The following PSD3 variants were observed in gnomAD, a reference collection of about 807,000 sequenced individuals.
PSD3 encodes PH and SEC7 domain-containing protein 3.
In PSD3, 49 loss-of-function variants were observed where a neutral mutation model predicts 105.5. That is an observed-to-expected ratio of 0.46 (90% CI 0.37 to 0.59). The LOEUF (loss-of-function observed/expected upper bound fraction) is 0.59, where lower values mean the gene tolerates loss of function less well. Ranked by LOEUF, PSD3 falls within the 20% of genes least tolerant of loss-of-function variation. PSD3 has a pLI of 0.00. For synonymous variants in PSD3, 557 were observed against 457.8 expected (o/e 1.22, Z -2.77); for missense variants, 1,561 against 1,263.8 (o/e 1.24, Z -3.57).
chr8:18,644,470 G>T (rs1807882666), intron 10 of PSD3, among the ~76,000 whole-genome samples: 1 of 152,128 alleles, frequency 6.6e-6, no homozygotes, highest in Non-Finnish European at 1.5e-5. Flanking sequence ...TTTATTACAA[G>T]GACAGTCTTT....
chr8:18,538,874 C>G (rs1220142463), intron 15 of PSD3, among the ~76,000 whole-genome samples: 1 of 152,156 alleles, frequency 6.6e-6, no homozygotes. Flanking sequence ...TGTGGCAGTG[C>G]ATGAGTCATC....
At chr8:18,869,212 T>C (rs993990863) in intron 3 of PSD3, among the ~76,000 whole-genome samples, 1 of 120,806 alleles carries the variant, frequency 8.3e-6, no homozygotes, top group African/African-American at 3.3e-5. Flanking sequence ...TTTTTTGAGA[T>C]GCAGTCTAAC....
intron 1 of PSD3, among the ~76,000 whole-genome samples, chr8:18,981,969 T>C (rs1052889298): frequency 2.6e-5 from 4 of 152,176 alleles, no homozygotes; most frequent in Non-Finnish European, 5.9e-5. Flanking sequence ...AATGGTCTCT[T>C]AAGACAAAAG....
chr8:19,031,189 C>T (rs7837311), intron 1 of PSD3, among the ~76,000 whole-genome samples: 3,743 of 152,186 alleles, frequency 0.025, 149 homozygotes, highest in African/African-American at 0.084. Context: ...GGACATTCAC[C>T]AACATATTTT....
At chr8:18,801,454 C>A in intron 6 of PSD3, 72 bp from the exon 7 acceptor site, 2 of 805,174 alleles carry the variant, frequency 2.5e-6, no homozygotes, top group South Asian at 3.2e-5. Flanking sequence ...AGTTAAAAGT[C>A]AATTTATATA....
chr8:18,925,125 A>G (rs1359687835), intron 2 of PSD3, among the ~76,000 whole-genome samples: 1 of 152,194 alleles, frequency 6.6e-6, no homozygotes, highest in Non-Finnish European at 1.5e-5. Context: ...TTTCAACTCA[A>G]TCATAAACAG....
intron 9 of PSD3, among the ~76,000 whole-genome samples, chr8:18,695,497 A>G (rs546310501): frequency 3.3e-5 from 5 of 152,340 alleles, no homozygotes; most frequent in African/African-American, 1.2e-4. Context: ...GATAACTTTG[A>G]TCTATTCCCC....
At chr8:18,801,210 CATA>C (rs1810649670) in intron 7 of PSD3, 57 bp downstream of exon 7, 1 of 1,077,258 alleles carries the variant, frequency 9.3e-7, no homozygotes, top group South Asian at 1.5e-5. Context: ...ATTTAACTTT[CATA>C]ATAAGGAAAA....
At chr8:18,795,112 T>C (rs927927539) in intron 8 of PSD3, among the ~76,000 whole-genome samples, 20 of 152,254 alleles carry the variant, frequency 1.3e-4, no homozygotes, top group Admixed American at 7.2e-4. Flanking sequence ...CACTGTTCTG[T>C]GACAAAACCT....
chr8:18,947,054 G>T (rs10096866), intron 1 of PSD3, among the ~76,000 whole-genome samples: 46,931 of 151,964 alleles, frequency 0.31, 7,351 homozygotes, highest in African/African-American at 0.34. Flanking sequence ...GCTCACGTAT[G>T]CCCTACAACC....
At chr8:18,786,086 C>A (rs1349293809) in intron 8 of PSD3, among the ~76,000 whole-genome samples, 2 of 152,148 alleles carry the variant, frequency 1.3e-5, no homozygotes, top group Non-Finnish European at 2.9e-5. Flanking sequence ...TCCCTGTGGT[C>A]CCAGCTGCTC....
At chr8:18,893,843 C>A (rs1010540370) in intron 2 of PSD3, among the ~76,000 whole-genome samples, 1 of 152,328 alleles carries the variant, frequency 6.6e-6, no homozygotes, top group East Asian at 1.9e-4. Flanking sequence ...GCCACGGCTG[C>A]CATTCTGCTC....
chr8:18,980,917 G>A (rs1447578096), intron 1 of PSD3, among the ~76,000 whole-genome samples: 1 of 152,024 alleles, frequency 6.6e-6, no homozygotes. Context: ...CTGATCGCTG[G>A]TCTTCGCACT....
chr8:18,896,169 G>A (rs1460719928), intron 2 of PSD3, among the ~76,000 whole-genome samples: 3 of 152,194 alleles, frequency 2.0e-5, no homozygotes, highest in Non-Finnish European at 4.4e-5. Context: ...TACTGCAAAA[G>A]AGTATTCTAT....
At chr8:18,568,511 C>T (rs1387797394) in intron 14 of PSD3, among the ~76,000 whole-genome samples, 1 of 152,032 alleles carries the variant, frequency 6.6e-6, no homozygotes, top group Non-Finnish European at 1.5e-5. Flanking sequence ...CAGTCCCCAG[C>T]TGTCCAAGCC....
At chr8:18,837,319 A>G (rs1814195965) in intron 4 of PSD3, among the ~76,000 whole-genome samples, 1 of 152,214 alleles carries the variant, frequency 6.6e-6, no homozygotes, top group Admixed American at 6.5e-5. Context: ...TGTGGTAAGC[A>G]AGTCTTCCTG....
chr8:18,555,074 G>A (rs1800984893), intron 15 of PSD3, among the ~76,000 whole-genome samples: 2 of 152,046 alleles, frequency 1.3e-5, no homozygotes, highest in Admixed American at 1.3e-4. Flanking sequence ...TGGGGGAGGG[G>A]AATCGGGGAA....
At chr8:18,759,279 T>C (rs960344602) in intron 9 of PSD3, among the ~76,000 whole-genome samples, 1 of 152,158 alleles carries the variant, frequency 6.6e-6, no homozygotes, top group Admixed American at 6.5e-5. Context: ...AAGACTGTCA[T>C]ATTGATTGGT....
At chr8:18,784,321 T>C (rs1424145678) in intron 8 of PSD3, among the ~76,000 whole-genome samples, 1 of 152,132 alleles carries the variant, frequency 6.6e-6, no homozygotes, top group South Asian at 2.1e-4. Context: ...GCTTATTATG[T>C]GTTCAGAAGG....
Sources: allele counts gnomAD v4.1 joint callset (sites outside exome capture counted in the v4.1 genomes callset), GRCh38; gene constraint gnomAD v4.1.1; transcripts MANE v1.5; gene names NCBI Gene and HGNC (gene_info 2026-07-23, HGNC 2026-07-21).